The following ACOX2 variants were observed in gnomAD, a reference collection of about 807,000 sequenced individuals.
The protein encoded by ACOX2 is acyl-CoA oxidase 2.
In ACOX2, 59 loss-of-function variants were observed where a neutral mutation model predicts 77.5. That is an observed-to-expected ratio of 0.76 (90% CI 0.62 to 0.95). ACOX2 has a LOEUF of 0.95. Among genes scored for constraint, ACOX2 ranks in the 40% least tolerant of loss-of-function variants. ACOX2 has a pLI of 0.00. For synonymous variants in ACOX2, 317 were observed against 340.1 expected (o/e 0.93, Z 0.75); for missense variants, 837 against 880.4 (o/e 0.95, Z 0.62).
chr3:58,529,855 C>G (rs762331284), intron 8 of ACOX2, among the ~76,000 whole-genome samples: 1 of 152,198 alleles, frequency 6.6e-6, no homozygotes, highest in African/African-American at 2.4e-5. Context: ...GTGAAATGGC[C>G]GAGCTGAGTG....
chr3:58,524,708 T>TCA lies in ACOX2; in HGVS notation c.1347-104_1347-103insTG, dbSNP rs1395284237. On this transcript the variant is annotated intron_variant, in intron 10 of 14. Coordinates refer to ENST00000302819, the MANE Select transcript of ACOX2 (RefSeq NM_003500.4). The surrounding 1 kb of genome is among the most constrained non-coding windows in gnomAD (Gnocchi z 5.5). ...GGCAAGCTCATGCTAGGTTCCAGCC[T>TCA]TCCCGTGGGAGAGCCAGGTCACCAG... is the stretch of plus-strand genomic sequence containing the variant. 3.8e-6 allele frequency: 5 copies of TCA among 1,300,986 alleles called. No homozygotes were observed. The highest frequency in any genetic ancestry group is 5.2e-6 in the Non-Finnish European group (5 of 953,620). The allele number at this position is 1,300,986 out of a possible 1,614,324, so 80.6% of individuals were successfully genotyped here. A position where few individuals can be genotyped will look rare whatever the true frequency, so the allele number is the denominator to read the frequency against.
intron 8 of ACOX2, chr3:58,529,210 T>A (rs1206993873): frequency 9.3e-6 from 3 of 321,680 alleles, no homozygotes; most frequent in African/African-American, 2.1e-5. Context: ...AATTCCAGCA[T>A]ATACACAGTA....
chr3:58,531,151 G>C lies in ACOX2; in HGVS notation c.819+100C>G. ...CCTCTCTTGGGGGAGGAGGTTATGT[G>C]GCCCAAACTAAGCTCTATGGAGGAC... On this transcript the variant is annotated intron_variant, in intron 7 of 14. Transcript: ENST00000302819. This position sits in a 1 kb window ranked among gnomAD's most constrained non-coding sequence, Gnocchi z 5.8. 9.7e-7 allele frequency: 1 copy of C among 1,028,066 alleles called. No individual in the cohort carries two copies. Among genetic ancestry groups the C allele is most frequent in the Non-Finnish European group, 1.4e-6 (1 of 697,932 alleles). The allele number at this position is 1,028,066 out of a possible 1,614,324, so 63.7% of individuals were successfully genotyped here. A position where few individuals can be genotyped will look rare whatever the true frequency, so the allele number is the denominator to read the frequency against.
In ACOX2 at chr3:58,526,316, G is replaced by C; in HGVS notation, c.1346+150C>G. 1 of 859,406 alleles carries C rather than the reference G, an allele frequency of 1.2e-6. No homozygotes were observed. Among genetic ancestry groups the C allele is most frequent in the Non-Finnish European group, 1.8e-6 (1 of 563,720 alleles). The allele number at this position is 859,406 out of a possible 1,614,324, so 53.2% of individuals were successfully genotyped here. A position where few individuals can be genotyped will look rare whatever the true frequency, so the allele number is the denominator to read the frequency against. On this transcript the variant is annotated intron_variant, in intron 10 of 14. Coordinates refer to ENST00000302819, the MANE Select transcript of ACOX2 (RefSeq NM_003500.4). The surrounding 1 kb of genome is among the most constrained non-coding windows in gnomAD (Gnocchi z 4.3). ...GAGGATGGTGGCCTAGAAGTGGATA[G>C]GTTAGTCATACTGGGGAATTGGACA...
chr3:58,506,516 G>C (rs1169018286), intron 14 of ACOX2, among the ~76,000 whole-genome samples: 1 of 152,202 alleles, frequency 6.6e-6, no homozygotes, highest in East Asian at 1.9e-4. Flanking sequence ...ATATCTGCCA[G>C]GCATGGTGGC....
Position 58,533,498 on chromosome 3 carries a change from TC to T in ACOX2, c.529del (p.Glu177SerfsTer3), listed in dbSNP as rs775792963. On this transcript the variant is annotated frameshift_variant, in exon 5 of 15. Transcript: ENST00000302819. LOFTEE classifies it high-confidence loss of function. This position sits in a 1 kb window ranked among gnomAD's most constrained non-coding sequence, Gnocchi z 5.6. ...TEATYDAATQ[E>X]FVIHSPTLTA... is the part of the protein sequence containing the mutation. ...CAGCGTGGGGCTGTGTATCACAAACTCCTGGGTGGCTGCGTCATAGGTGGCT... is the reference window on the plus strand; with the variant it reads ...CAGCGTGGGGCTGTGTATCACAAACTCTGGGTGGCTGCGTCATAGGTGGCT... The T allele has an allele frequency of 2.5e-6, 4 of 1,613,892 alleles. No individual in the cohort carries two copies. The highest frequency in any genetic ancestry group is 3.4e-6 in the Non-Finnish European group (4 of 1,180,010).
chr3:58,509,140 A>C (rs1432257382), intron 13 of ACOX2, 115 bp from the exon 14 acceptor site: 1 of 1,262,698 alleles, frequency 7.9e-7, no homozygotes. Flanking sequence ...TCGCTTTTCA[A>C]ACAATTCAGC....
rs1368973304 is a variant in ACOX2, at chr3:58,523,402, G to A, written c.1527-801C>T. Among the ~76,000 whole-genome samples the A allele has an allele frequency of 6.6e-6, 1 of 152,084 alleles. No homozygotes were observed. Among genetic ancestry groups the A allele is most frequent in the Non-Finnish European group, 1.5e-5 (1 of 68,032 alleles). ...GTTTATCAGGCCTATTTACTGATAG[G>A]TCCCTAATGCCTAGAACAGTGCCTG... On this transcript the variant is annotated intron_variant, in intron 11 of 14. Coordinates refer to ENST00000302819, the MANE Select transcript of ACOX2 (RefSeq NM_003500.4). The surrounding 1 kb of genome is among the most constrained non-coding windows in gnomAD (Gnocchi z 5.3).
At position 58,533,773 on chromosome 3, in the gene ACOX2, T is replaced by C; in HGVS notation, c.475+221A>G. The C allele has an allele frequency of 1.4e-6, 1 of 698,476 alleles. No homozygotes were observed. Among genetic ancestry groups the C allele is most frequent in the Non-Finnish European group, 2.4e-6 (1 of 423,918 alleles). The allele number at this position is 698,476 out of a possible 1,614,324, so 43.3% of individuals were successfully genotyped here. A position where few individuals can be genotyped will look rare whatever the true frequency, so the allele number is the denominator to read the frequency against. On this transcript the variant is annotated intron_variant, in intron 4 of 14. Coordinates refer to ENST00000302819, the MANE Select transcript of ACOX2 (RefSeq NM_003500.4). This position sits in a 1 kb window ranked among gnomAD's most constrained non-coding sequence, Gnocchi z 5.6. ...ATGAGAAGGGGTGGCTGCTGATGTT[T>C]CCAGAAGGAATGACTTGCCCCACTG...
chr3:58,535,550 G>A lies in ACOX2; in HGVS notation c.-91-353C>T, dbSNP rs1251421584. On this transcript the variant is annotated intron_variant, in intron 1 of 14. Transcript: ENST00000302819. The surrounding 1 kb of genome is among the most constrained non-coding windows in gnomAD (Gnocchi z 4.8). ...TTGAGTGGCCCCTAGCCACACAGCT[G>A]GAGATGGCCAGGAGTTGGATGGGGT... is the stretch of plus-strand genomic sequence containing the variant. 1.3e-5 allele frequency among the ~76,000 whole-genome samples: 2 copies of A among 152,150 alleles called. No homozygotes were observed. Among genetic ancestry groups the A allele is most frequent in the Non-Finnish European group, 2.9e-5 (2 of 68,030 alleles).
In ACOX2 at chr3:58,524,906, G is replaced by A. The variant is rs1400695172; in HGVS notation, c.1347-301C>T. 2.6e-5 allele frequency among the ~76,000 whole-genome samples: 4 copies of A among 152,316 alleles called. No individual in the cohort carries two copies. The highest frequency in any genetic ancestry group is 9.6e-5 in the African/African-American group (4 of 41,564). On this transcript the variant is annotated intron_variant, in intron 10 of 14. Coordinates refer to ENST00000302819, the MANE Select transcript of ACOX2 (RefSeq NM_003500.4). The surrounding 1 kb of genome is among the most constrained non-coding windows in gnomAD (Gnocchi z 5.5). ...TTTTCCATCAGAACACTGTGATTTT[G>A]GGATTTATAATGACTTGTACAGTGA... is the stretch of plus-strand genomic sequence containing the variant.
Position 58,535,808 on chromosome 3 carries a change from T to C in ACOX2, c.-91-611A>G, listed in dbSNP as rs568857731. ...CCCAGGTTGGACCCTGTCTCCTTCATGGCAAGTGCTTGGCCTCTGAGAAGC... is the reference window on the plus strand; with the variant it reads ...CCCAGGTTGGACCCTGTCTCCTTCACGGCAAGTGCTTGGCCTCTGAGAAGC... On this transcript the variant is annotated intron_variant, in intron 1 of 14. Transcript: ENST00000302819. This position sits in a 1 kb window ranked among gnomAD's most constrained non-coding sequence, Gnocchi z 4.8. Among the ~76,000 whole-genome samples, 19 of 152,156 alleles carry C rather than the reference T, an allele frequency of 1.2e-4. No individual in the cohort carries two copies. The highest frequency in any genetic ancestry group is 2.4e-4 in the African/African-American group (10 of 41,434).
Position 58,534,158 on chromosome 3 carries a change from G to A in ACOX2, c.324-13C>T, listed in dbSNP as rs1181357916. Reference sequence around the variant, plus strand: ...TCCAGAAAGGGCTCTGTTGGGGAGAGATGCTGTAGTTGAGTAGCTTATTGG... The same window carrying A: ...TCCAGAAAGGGCTCTGTTGGGGAGAAATGCTGTAGTTGAGTAGCTTATTGG... On this transcript the variant is annotated splice_polypyrimidine_tract_variant and intron_variant, in intron 3 of 14. Coordinates refer to ENST00000302819, the MANE Select transcript of ACOX2 (RefSeq NM_003500.4). This position sits in a 1 kb window ranked among gnomAD's most constrained non-coding sequence, Gnocchi z 4.8. 6.2e-7 allele frequency: 1 copy of A among 1,613,880 alleles called. No individual in the cohort carries two copies. The highest frequency in any genetic ancestry group is 1.7e-5 in the Admixed American group (1 of 59,970).
chr3:58,530,776 A>G (rs893113787), intron 7 of ACOX2, 138 bp from the exon 8 acceptor site: 5 of 1,149,350 alleles, frequency 4.4e-6, no homozygotes, highest in Non-Finnish European at 6.1e-6. Context: ...GTGTTAAAAT[A>G]CCAGGCCATT....
In ACOX2 at chr3:58,531,252, T is replaced by C; in HGVS notation, c.818A>G (p.Gln273Arg). ...PRENMLSRFA[Q>R]VLPDGTYVKL... ...CCCCGGCCTCCCCAGATCTGTAACC[T>C]GTGCAAAGCGACTCAGCATGTTCTC... Residue 273 changes from glutamine to arginine, a missense_variant and splice_region_variant, in exon 7 of 15, where the codon CAG (glutamine) becomes CGG (arginine). Gln to Arg is a conservative substitution (Grantham distance 43). Transcript: ENST00000302819. The surrounding 1 kb of genome is among the most constrained non-coding windows in gnomAD (Gnocchi z 5.8). The C allele has an allele frequency of 1.9e-6, 3 of 1,612,032 alleles. No individual in the cohort carries two copies. Among genetic ancestry groups the C allele is most frequent in the Non-Finnish European group, 2.5e-6 (3 of 1,179,514 alleles).
Position 58,505,681 on chromosome 3 carries a change from A to G in ACOX2, c.1984-395T>C, listed in dbSNP as rs2063229240. On this transcript the variant is annotated intron_variant, in intron 14 of 14. Transcript: ENST00000302819. This position sits in a 1 kb window ranked among gnomAD's most constrained non-coding sequence, Gnocchi z 4.4. ...GGTTATCCTCATTATGCTGTAATTC[A>G]GTGTCTTGATTCTTTGTTTCTTAGT... is the stretch of plus-strand genomic sequence containing the variant. Among the ~76,000 whole-genome samples the G allele has an allele frequency of 1.3e-5, 2 of 152,154 alleles. No individual in the cohort carries two copies. The highest frequency in any genetic ancestry group is 2.9e-5 in the Non-Finnish European group (2 of 68,036).
At chr3:58,536,565 C>CCCCCCG (rs1183330279) in intron 1 of ACOX2, among the ~76,000 whole-genome samples, 2 of 152,172 alleles carry the variant, frequency 1.3e-5, no homozygotes, top group East Asian at 3.9e-4. Flanking sequence ...CGGAGTCCTG[C>CCCCCCG]AAGTGCCCCT....
At chr3:58,511,239 C>T (rs2063285027) in intron 13 of ACOX2, 1 of 322,696 alleles carries the variant, frequency 3.1e-6, no homozygotes, top group Non-Finnish European at 6.1e-6. Flanking sequence ...TCAAAATTCC[C>T]CTCAGGGGTA....
At position 58,525,791 on chromosome 3, in the gene ACOX2, G is replaced by A. The variant is rs903494294; in HGVS notation, c.1346+675C>T. 2.6e-5 allele frequency among the ~76,000 whole-genome samples: 4 copies of A among 152,170 alleles called. No individual in the cohort carries two copies. Among genetic ancestry groups the A allele is most frequent in the Non-Finnish European group, 5.9e-5 (4 of 68,032 alleles). On this transcript the variant is annotated intron_variant, in intron 10 of 14. Transcript: ENST00000302819. This position sits in a 1 kb window ranked among gnomAD's most constrained non-coding sequence, Gnocchi z 5.0. The stretch of plus-strand genomic sequence containing the variant: ...TAATCCCAGCACTTTGGGAGGCTAA[G>A]GCAGGTGGATCACCTGAGGTCAGGA...
Sources: allele counts gnomAD v4.1 joint callset (sites outside exome capture counted in the v4.1 genomes callset), GRCh38; gene constraint gnomAD v4.1.1; non-coding constraint Gnocchi (gnomAD v3.1); transcripts MANE v1.5; gene names NCBI Gene and HGNC (gene_info 2026-07-23, HGNC 2026-07-21).